CWC22: variants seen among roughly 807,000 people sequenced by gnomAD.
CWC22 encodes the protein CWC22 spliceosome associated protein, also known as pre-mRNA-splicing factor CWC22 homolog.
In CWC22, 53 loss-of-function variants were observed where a neutral mutation model predicts 117.2. The ratio of observed to expected loss-of-function variants is 0.45; its 90% confidence interval spans 0.36 to 0.57. CWC22 has a LOEUF of 0.57. CWC22 is among the 20% of genes least tolerant of loss of function. The probability of loss-of-function intolerance (pLI) is 0.00; values close to 1 mark genes in which losing one functional copy is unlikely to be tolerated. For missense variants in CWC22, 980 were observed against 1,068.8 expected (o/e 0.92, Z 1.16); for synonymous variants, 360 against 355.6 (o/e 1.01, Z -0.14).
intron 15 of CWC22, 83 bp from the exon 16 acceptor site, chr2:179,954,440 A>G (rs980365231): frequency 1.3e-6 from 1 of 781,818 alleles, no homozygotes; most frequent in Non-Finnish European, 2.0e-6. Flanking sequence ...TACTGAATCA[A>G]AACTTTATTA....
chr2:179,976,879 G>T (rs1031911442), intron 6 of CWC22, among the ~76,000 whole-genome samples: 1 of 152,178 alleles, frequency 6.6e-6, no homozygotes, highest in Non-Finnish European at 1.5e-5. Context: ...TACCAGCCAG[G>T]TGCGGTGGCT....
intron 3 of CWC22, 41 bp from the exon 4 acceptor site, chr2:179,986,846 A>C: frequency 9.1e-7 from 1 of 1,100,246 alleles, no homozygotes; most frequent in East Asian, 2.5e-5. Flanking sequence ...ATTAAAAACA[A>C]CTATGTTATA....
Position 179,978,190 on chromosome 2 carries a change from C to G in CWC22, c.581G>C (p.Arg194Thr). ...ELLQENIVRG[R>T]GLLSRSVLQA... ...TACAAATAAAATAGCCAATACTTAC[C>G]TTCCTCTAACTATATTTTCTTGAAG... Residue 194 changes from arginine (R) to threonine (T), a missense_variant and splice_region_variant, in exon 6 of 20, where the codon AGA becomes ACA. Physicochemically the swap from Arg to Thr is moderately conservative, Grantham distance 71 (BLOSUM62 -1). This residue lies in a region of CWC22 where 559 missense variants were observed against 602.3 expected (regional missense o/e 0.93). Coordinates refer to ENST00000410053, the MANE Select transcript of CWC22 (RefSeq NM_020943.3). The G allele has an allele frequency of 6.6e-7, 1 of 1,520,120 alleles. No homozygotes were observed. The highest frequency in any genetic ancestry group is 2.0e-4 in the Middle Eastern group (1 of 4,908). 94.2% of individuals were successfully genotyped at this position (1,520,120 alleles called of 1,614,324 possible).
intron 2 of CWC22, among the ~76,000 whole-genome samples, chr2:179,989,692 T>A (rs1274114519): frequency 6.6e-6 from 1 of 152,136 alleles, no homozygotes; most frequent in Admixed American, 6.5e-5. Context: ...TACATCCTAA[T>A]TAAAAAATCC....
intron 19 of CWC22, among the ~76,000 whole-genome samples, chr2:179,948,734 GT>G (rs1228740145): frequency 6.6e-6 from 1 of 152,030 alleles, no homozygotes; most frequent in African/African-American, 2.4e-5. Flanking sequence ...GACTTCAAAA[GT>G]GTTAAAGCTA....
chr2:179,997,293 A>G (rs1299219660), intron 1 of CWC22, among the ~76,000 whole-genome samples: 1 of 152,072 alleles, frequency 6.6e-6, no homozygotes, highest in Non-Finnish European at 1.5e-5. Context: ...AGTTAAGGAT[A>G]TATATATACT....
intron 11 of CWC22, among the ~76,000 whole-genome samples, chr2:179,968,848 G>A (rs1575646118): frequency 1.3e-5 from 2 of 152,086 alleles, no homozygotes; most frequent in South Asian, 2.1e-4. Context: ...TTACAGGCAT[G>A]AGCCACCATG....
At chr2:179,957,361 C>T (rs1484271225) in intron 14 of CWC22, among the ~76,000 whole-genome samples, 9 of 152,084 alleles carry the variant, frequency 5.9e-5, no homozygotes, top group Admixed American at 5.9e-4. Flanking sequence ...AAGAATTAAT[C>T]TATATTCTAG....
intron 13 of CWC22, among the ~76,000 whole-genome samples, chr2:179,962,277 G>A (rs892622088): frequency 6.6e-6 from 1 of 152,134 alleles, no homozygotes; most frequent in Non-Finnish European, 1.5e-5. Context: ...ACACAGTTCA[G>A]TTGCCAGAAC....
chr2:179,956,567 T>C (rs1232517253), intron 14 of CWC22, among the ~76,000 whole-genome samples: 1 of 150,520 alleles, frequency 6.6e-6, no homozygotes, highest in Non-Finnish European at 1.5e-5. Flanking sequence ...TACTTTCAGA[T>C]GCCATTATAT....
At chr2:179,954,422 C>A (rs1423651207) in intron 15 of CWC22, 65 bp from the exon 16 acceptor site, 1 of 980,060 alleles carries the variant, frequency 1.0e-6, no homozygotes, top group South Asian at 2.1e-5. Flanking sequence ...CATATTAAAT[C>A]CTAAATTTAC....
intron 14 of CWC22, among the ~76,000 whole-genome samples, chr2:179,958,674 C>T (rs1036204140): frequency 5.9e-5 from 9 of 152,098 alleles, no homozygotes; most frequent in Admixed American, 5.9e-4. Flanking sequence ...CCCTGCAGTG[C>T]ATCCAGAAGA....
intron 14 of CWC22, among the ~76,000 whole-genome samples, chr2:179,957,466 C>T (rs573948369): frequency 3.9e-5 from 6 of 152,138 alleles, no homozygotes; most frequent in African/African-American, 7.2e-5. Context: ...ACTTATTCTG[C>T]GGCTGTGGTG....
intron 5 of CWC22, among the ~76,000 whole-genome samples, chr2:179,979,457 T>C (rs1470358762): frequency 6.6e-6 from 1 of 152,194 alleles, no homozygotes; most frequent in Admixed American, 6.5e-5. Context: ...GATTCAATTT[T>C]TTCCCCAAAC....
chr2:179,965,430 T>C (rs567455560), intron 12 of CWC22, among the ~76,000 whole-genome samples: 1 of 152,344 alleles, frequency 6.6e-6, no homozygotes, highest in East Asian at 1.9e-4. Flanking sequence ...ACTACTTCTG[T>C]GTAAATATAG....
At chr2:179,962,552 A>T (rs1299154964) in intron 13 of CWC22, among the ~76,000 whole-genome samples, 1 of 152,198 alleles carries the variant, frequency 6.6e-6, no homozygotes, top group Admixed American at 6.5e-5. Flanking sequence ...GTTTGCTCAC[A>T]TTTAAAACAA....
intron 13 of CWC22, 72 bp from the exon 14 acceptor site, chr2:179,959,154 T>C: frequency 1.1e-6 from 1 of 895,582 alleles, no homozygotes; most frequent in Non-Finnish European, 1.8e-6. Context: ...AGAATCTTAC[T>C]TTAATAATGG....
chr2:180,005,067 C>T (rs1687938833), intron 1 of CWC22, among the ~76,000 whole-genome samples: 1 of 151,272 alleles, frequency 6.6e-6, no homozygotes, highest in Admixed American at 6.6e-5. Context: ...GCCTCCATTT[C>T]CACGTTTCCG....
chr2:180,005,387 C>T (rs1001500678), intron 1 of CWC22, among the ~76,000 whole-genome samples: 12 of 152,162 alleles, frequency 7.9e-5, no homozygotes, highest in African/African-American at 2.7e-4. Flanking sequence ...ACCATCCTGG[C>T]TAACACAGTG....
Sources: allele counts gnomAD v4.1 joint callset (sites outside exome capture counted in the v4.1 genomes callset), GRCh38; gene constraint gnomAD v4.1.1; regional missense constraint gnomAD v4.1.1; transcripts MANE v1.5; gene names NCBI Gene and HGNC (gene_info 2026-07-23, HGNC 2026-07-21).